The following EBF1 variants were observed in gnomAD, a reference collection of about 807,000 sequenced individuals.
The protein encoded by EBF1 is EBF transcription factor 1.
A neutral mutation model predicts 68.4 loss-of-function variants in EBF1; 10 were observed. That is an observed-to-expected ratio of 0.15 (90% CI 0.09 to 0.25). The LOEUF (loss-of-function observed/expected upper bound fraction) is 0.25. Among genes scored for constraint, EBF1 ranks in the 10% least tolerant of loss-of-function variants. The pLI, the probability that EBF1 is intolerant of heterozygous loss-of-function variation, is 1.00. For synonymous variants in EBF1, 298 were observed against 299.8 expected, an observed-to-expected ratio of 0.99 and a Z score of 0.06; for missense variants, 509 against 794.4, an observed-to-expected ratio of 0.64 and a Z score of 4.32.
intron 4 of EBF1, among the ~76,000 whole-genome samples, chr5:159,087,361 T>C (rs1780870576): frequency 7.1e-6 from 1 of 141,272 alleles, no homozygotes; most frequent in South Asian, 2.2e-4. Flanking sequence ...TATACACATA[T>C]ATATATACAC....
intron 6 of EBF1, among the ~76,000 whole-genome samples, chr5:158,993,745 T>G (rs1374183982): frequency 6.6e-6 from 1 of 152,196 alleles, no homozygotes; most frequent in African/African-American, 2.4e-5. Context: ...TCTCTGACTC[T>G]GTCCAGCCTT....
intron 6 of EBF1, among the ~76,000 whole-genome samples, chr5:158,934,891 T>C (rs1811644997): frequency 6.6e-6 from 1 of 152,180 alleles, no homozygotes; most frequent in African/African-American, 2.4e-5. Context: ...TCATTGCAAG[T>C]CTACAAGGCA....
chr5:159,069,307 T>C (rs1777409347), intron 6 of EBF1, among the ~76,000 whole-genome samples: 1 of 151,884 alleles, frequency 6.6e-6, no homozygotes, highest in Non-Finnish European at 1.5e-5. Flanking sequence ...ATTTCATCAA[T>C]TGCACTAATT....
intron 10 of EBF1, among the ~76,000 whole-genome samples, chr5:158,756,516 TA>T (rs1262573906): frequency 6.6e-6 from 1 of 152,114 alleles, no homozygotes; most frequent in Non-Finnish European, 1.5e-5. Context: ...CATTCCTGAT[TA>T]AAAATAACCT....
At chr5:158,875,112 T>C (rs904265763) in intron 6 of EBF1, among the ~76,000 whole-genome samples, 6 of 151,852 alleles carry the variant, frequency 4.0e-5, no homozygotes, top group Middle Eastern at 3.4e-3. Context: ...CCAAATTGTA[T>C]TTCCAAGACA....
intron 6 of EBF1, among the ~76,000 whole-genome samples, chr5:159,039,093 C>G (rs558759662): frequency 3.3e-5 from 5 of 152,176 alleles, no homozygotes; most frequent in Non-Finnish European, 7.3e-5. Context: ...TCTGCTAACC[C>G]CAAAACCAAA....
chr5:158,824,901 C>T (rs1329137732), intron 7 of EBF1, among the ~76,000 whole-genome samples: 1 of 152,220 alleles, frequency 6.6e-6, no homozygotes, highest in African/African-American at 2.4e-5. Flanking sequence ...GAATTGCAGG[C>T]TATGAACACA....
intron 6 of EBF1, among the ~76,000 whole-genome samples, chr5:159,033,559 T>G (rs1301819757): frequency 6.6e-6 from 1 of 152,198 alleles, no homozygotes; most frequent in Non-Finnish European, 1.5e-5. Flanking sequence ...AAGGAAGGGT[T>G]GTATCTTGAC....
chr5:158,900,598 C>T (rs553235635), intron 6 of EBF1, among the ~76,000 whole-genome samples: 1 of 152,296 alleles, frequency 6.6e-6, no homozygotes, highest in South Asian at 2.1e-4. Flanking sequence ...TTGACTTGCT[C>T]CCTAGTCACT....
At chr5:158,921,952 C>G (rs763481525) in intron 6 of EBF1, among the ~76,000 whole-genome samples, 1 of 152,192 alleles carries the variant, frequency 6.6e-6, no homozygotes, top group Non-Finnish European at 1.5e-5. Context: ...TTTTGCCTCA[C>G]GATCCATAGC....
intron 11 of EBF1, among the ~76,000 whole-genome samples, chr5:158,727,365 A>G (rs2127535801): frequency 6.6e-6 from 1 of 152,296 alleles, no homozygotes; most frequent in Non-Finnish European, 1.5e-5. Flanking sequence ...TTGAACACAG[A>G]GAGCGCTCCT....
At chr5:158,814,282 A>G (rs1260535125) in intron 8 of EBF1, among the ~76,000 whole-genome samples, 2 of 152,136 alleles carry the variant, frequency 1.3e-5, no homozygotes, top group Non-Finnish European at 2.9e-5. Context: ...GTTTGAGGCT[A>G]AAGTGAGCTA....
At chr5:158,890,406 C>T (rs1424380006) in intron 6 of EBF1, among the ~76,000 whole-genome samples, 1 of 152,232 alleles carries the variant, frequency 6.6e-6, no homozygotes, top group Non-Finnish European at 1.5e-5. Flanking sequence ...CCACCAGCCA[C>T]TTCTACATGC....
chr5:158,834,508 A>T (rs201802394), intron 7 of EBF1, among the ~76,000 whole-genome samples: 51 of 104,862 alleles, frequency 4.9e-4, no homozygotes, highest in African/African-American at 1.9e-3. Context: ...ATTGTAAATT[A>T]AAAAAAAAAA....
chr5:158,934,282 T>C (rs1271355406), intron 6 of EBF1, among the ~76,000 whole-genome samples: 1 of 152,204 alleles, frequency 6.6e-6, no homozygotes, highest in Non-Finnish European at 1.5e-5. Context: ...ACCTCTGCAA[T>C]GCCAGTGTAG....
intron 6 of EBF1, among the ~76,000 whole-genome samples, chr5:158,918,588 C>T (rs1203466572): frequency 2.0e-5 from 3 of 152,164 alleles, no homozygotes; most frequent in Non-Finnish European, 4.4e-5. Flanking sequence ...TTACTGATCC[C>T]TCAGTGGAAC....
intron 6 of EBF1, among the ~76,000 whole-genome samples, chr5:159,018,772 G>A (rs1766101097): frequency 2.0e-5 from 3 of 152,306 alleles, no homozygotes; most frequent in Admixed American, 2.0e-4. Context: ...GGATTGGAGT[G>A]GCCAAGTAAT....
rs368922478 is a variant in EBF1 at position 158,901,178 on chromosome 5, C to A, written c.555-61068G>T. On this transcript the variant is annotated intron_variant, in intron 6 of 15. Coordinates refer to ENST00000313708, the MANE Select transcript of EBF1 (RefSeq NM_024007.5). ...TCTTGCTCTTTGGAATAACATAGAACAATTCTTTCTCTCTCTCATACATCT... is the reference window on the plus strand; with the variant it reads ...TCTTGCTCTTTGGAATAACATAGAAAAATTCTTTCTCTCTCTCATACATCT... 2.0e-3 allele frequency among the ~76,000 whole-genome samples: 310 copies of A among 152,278 alleles called. 3 individuals are homozygous for A. The highest frequency in any genetic ancestry group is 7.3e-3 in the African/African-American group (303 of 41,556).
At chr5:159,097,165 C>T (rs183162662) in intron 1 of EBF1, 35 bp from the exon 2 acceptor site, 466 of 1,599,376 alleles carry the variant, frequency 2.9e-4, no homozygotes, top group Non-Finnish European at 3.8e-4. Context: ...ATGGCTAAAC[C>T]GGACGCCGAC....
Sources: allele counts gnomAD v4.1 joint callset (sites outside exome capture counted in the v4.1 genomes callset), GRCh38; gene constraint gnomAD v4.1.1; transcripts MANE v1.5; gene names NCBI Gene and HGNC (gene_info 2026-07-23, HGNC 2026-07-21).